Variants in DIAPH2 observed in about 807,000 individuals in gnomAD.
The protein encoded by DIAPH2 is diaphanous related formin 2, also known as protein diaphanous homolog 2.
In DIAPH2, 35 loss-of-function variants were observed where a neutral mutation model predicts 92.7. That is an observed-to-expected ratio of 0.38 (90% CI 0.29 to 0.50). The LOEUF is 0.50. DIAPH2 is among the 20% of genes least tolerant of loss of function. The pLI, the probability that DIAPH2 is intolerant of heterozygous loss-of-function variation, is 0.94. For synonymous variants in DIAPH2, 301 were observed against 280.4 expected (o/e 1.07, Z -0.73); for missense variants, 701 against 819.5 (o/e 0.86, Z 1.77).
intron 23 of DIAPH2, among the ~76,000 whole-genome samples, chrX:97,316,175 C>T (rs1314464976): frequency 9.0e-6 from 1 of 111,317 alleles, no homozygotes; most frequent in Non-Finnish European, 1.9e-5. Context: ...CAACCTTGAG[C>T]AGCCTTGTCC....
At chrX:97,318,562 G>A (rs1033444620) in intron 23 of DIAPH2, among the ~76,000 whole-genome samples, 14 of 88,270 alleles carry the variant, frequency 1.6e-4, no homozygotes, top group Admixed American at 7.8e-4. Flanking sequence ...GCATAATCTC[G>A]GCTCACTGCA....
intron 19 of DIAPH2, among the ~76,000 whole-genome samples, chrX:97,090,183 T>C (rs914719766): frequency 8.9e-6 from 1 of 111,773 alleles, no homozygotes; most frequent in Non-Finnish European, 1.9e-5. Context: ...AAAACTAGAT[T>C]TGTAATTGTT....
intron 4 of DIAPH2, among the ~76,000 whole-genome samples, chrX:96,825,221 G>A (rs2064806446): frequency 9.2e-6 from 1 of 108,682 alleles, no homozygotes; most frequent in Non-Finnish European, 1.9e-5. Flanking sequence ...CTCCCAAAGT[G>A]CTGTGATTAC....
At position 96,870,935 on chromosome X, in the gene DIAPH2, T is replaced by C. The variant is rs149473711; in HGVS notation, c.448-10644T>C. 9.8e-5 allele frequency among the ~76,000 whole-genome samples: 11 copies of C among 112,004 alleles called. No homozygotes were observed. The East Asian group carries it at 3.1e-3, about 32-fold the overall frequency. ...TTTGTTACACTGTCTAAAGTTACTC[T>C]TGGAATCGGATTTACAAAATGGTAA... On this transcript the variant is annotated intron_variant, in intron 4 of 26. Transcript: ENST00000324765.
Position 97,507,797 on chromosome X carries a change from C to T in DIAPH2, c.3241+78052C>T, listed in dbSNP as rs145902973. On this transcript the variant is annotated intron_variant, in intron 26 of 26. Transcript: ENST00000324765. ...TTCATAAAGTCAGGCTATAGATGTC[C>T]CTAATTCCCCCACAGAGCCCACAGC... Among the ~76,000 whole-genome samples the T allele has an allele frequency of 5.6e-3, 622 of 111,146 alleles. 2 individuals are homozygous for T. The highest frequency in any genetic ancestry group is 0.019 in the African/African-American group (590 of 30,589).
chrX:96,703,397 A>C (rs2063866228), intron 1 of DIAPH2, among the ~76,000 whole-genome samples: 1 of 112,052 alleles, frequency 8.9e-6, no homozygotes, highest in African/African-American at 3.2e-5. Flanking sequence ...GGCATGCTTT[A>C]ATTTGACAGC....
chrX:96,965,096 G>T lies in DIAPH2; in HGVS notation c.1939G>T (p.Glu647Ter). The T allele has an allele frequency of 8.4e-7, 1 of 1,189,876 alleles. No homozygotes were observed. Among genetic ancestry groups the T allele is most frequent in the South Asian group, 1.9e-5 (1 of 53,488 alleles). The change falls in exon 17 of 27, where the codon GAA becomes TAA. Residue 647 changes from glutamate to a stop codon, truncating the protein, a stop_gained. Coordinates refer to ENST00000324765, the MANE Select transcript of DIAPH2 (RefSeq NM_006729.5). LOFTEE classifies it high-confidence loss of function. ...TTCTTTGTTATTTTTGTTTCAGATT[G>T]AACCCACAGAATTATCTGAGAACTG... Reference protein sequence around the residue: ...SMKRINWSKIEPTELSENCFW... With the variant: ...SMKRINWSKI
intron 26 of DIAPH2, among the ~76,000 whole-genome samples, chrX:97,508,942 TAAC>T (rs2070857306): frequency 9.3e-6 from 1 of 107,675 alleles, no homozygotes; most frequent in Non-Finnish European, 1.9e-5. Flanking sequence ...TAGGACCCCT[TAAC>T]AACAACAATA....
chrX:97,234,132 T>C lies in DIAPH2; in HGVS notation c.2720-13583T>C, dbSNP rs1040473974. ...TGAGATCGGGAGTTCGAGACCAGCC[T>C]GACCAACATGGAGAAACCCCGTCTC... On this transcript the variant is annotated intron_variant, in intron 22 of 26. Transcript: ENST00000324765. Among the ~76,000 whole-genome samples, 26 of 102,265 alleles carry C rather than the reference T, an allele frequency of 2.5e-4. 1 individual carries two copies. Among genetic ancestry groups the C allele is most frequent in the East Asian group, 9.2e-4 (3 of 3,276 alleles). The allele number at this position is 102,265 out of a possible 115,157, so 88.8% of individuals were successfully genotyped here. A position where few individuals can be genotyped will look rare whatever the true frequency, so the allele number is the denominator to read the frequency against.
At chrX:97,144,157 C>G (rs2147412972) in intron 22 of DIAPH2, among the ~76,000 whole-genome samples, 1 of 110,975 alleles carries the variant, frequency 9.0e-6, no homozygotes, top group East Asian at 2.8e-4. Context: ...TGAGACCAGC[C>G]TGGGCAGCAT....
intron 1 of DIAPH2, among the ~76,000 whole-genome samples, chrX:96,697,176 G>A (rs987612345): frequency 9.1e-6 from 1 of 110,475 alleles, no homozygotes; most frequent in African/African-American, 3.3e-5. Flanking sequence ...GTGCCTTTTA[G>A]TCTTGGCATA....
intron 21 of DIAPH2, among the ~76,000 whole-genome samples, chrX:97,116,355 T>A (rs2067016680): frequency 8.9e-6 from 1 of 112,134 alleles, no homozygotes; most frequent in Non-Finnish European, 1.9e-5. Context: ...TATCTGGAAA[T>A]GCTGGATTTT....
chrX:96,841,829 C>T (rs2064938616), intron 4 of DIAPH2, among the ~76,000 whole-genome samples: 1 of 111,609 alleles, frequency 9.0e-6, no homozygotes, highest in Non-Finnish European at 1.9e-5. Flanking sequence ...TAGGTGCAGG[C>T]GGGCTGAATC....
chrX:96,743,522 A>C (rs2064131883), intron 3 of DIAPH2, among the ~76,000 whole-genome samples: 1 of 112,137 alleles, frequency 8.9e-6, no homozygotes, highest in African/African-American at 3.2e-5. Context: ...TAGCCATTCT[A>C]AAAGATGTGA....
At chrX:96,943,088 C>G (rs776232156) in intron 13 of DIAPH2, among the ~76,000 whole-genome samples, 1 of 110,711 alleles carries the variant, frequency 9.0e-6, no homozygotes, top group Non-Finnish European at 1.9e-5. Context: ...CAGCTTGGTA[C>G]ATTTCCTTAT....
intron 1 of DIAPH2, among the ~76,000 whole-genome samples, chrX:96,711,702 G>T (rs1469072221): frequency 9.0e-6 from 1 of 110,989 alleles, no homozygotes; most frequent in Admixed American, 9.6e-5. Context: ...TGAATCAAAT[G>T]GGTAAACTAT....
chrX:97,587,271 G>A (rs1192854587), intron 26 of DIAPH2, among the ~76,000 whole-genome samples: 1 of 105,828 alleles, frequency 9.4e-6, no homozygotes, highest in East Asian at 2.9e-4. Flanking sequence ...TAAATCTGCT[G>A]TCCTAGAAAA....
In DIAPH2 at chrX:97,247,712, T is replaced by C. The variant is rs768841943; in HGVS notation, c.2720-3T>C. On this transcript the variant is annotated splice_region_variant and splice_polypyrimidine_tract_variant and intron_variant, in intron 22 of 26. Transcript: ENST00000324765. ...TCTAAATCCTTTGCACACTGTTCTT[T>C]AGTTTCAGCTCAAATTCTCAAGAGC... 1.7e-6 allele frequency: 2 copies of C among 1,201,747 alleles called. No homozygotes were observed. Among genetic ancestry groups the C allele is most frequent in the Non-Finnish European group, 2.2e-6 (2 of 890,232 alleles).
At chrX:96,847,286 C>T (rs2064978408) in intron 4 of DIAPH2, among the ~76,000 whole-genome samples, 1 of 111,755 alleles carries the variant, frequency 8.9e-6, no homozygotes, top group Admixed American at 9.5e-5. Context: ...TAATTGATAA[C>T]CCAAGATGCC....
Sources: gnomAD v4.1 joint callset for allele counts (sites outside exome capture counted in the v4.1 genomes callset) on GRCh38, gnomAD v4.1.1 for gene constraint, MANE v1.5 for transcripts, NCBI Gene and HGNC (gene_info 2026-07-23, HGNC 2026-07-21) for gene names.